Variants in FGGY observed in about 807,000 individuals in gnomAD.
FGGY encodes FGGY carbohydrate kinase domain-containing protein.
In FGGY, 72 loss-of-function variants were observed where a neutral mutation model predicts 71.3. That is an observed-to-expected ratio of 1.01 (90% CI 0.84 to 1.23). FGGY has a LOEUF of 1.23. Among genes scored for constraint, FGGY ranks in the 50% most tolerant of loss-of-function variants. The pLI is 0.00. For synonymous variants in FGGY, 251 were observed against 250.3 expected, an observed-to-expected ratio of 1.00 and a Z score of -0.02; for missense variants, 668 against 682.3, an observed-to-expected ratio of 0.98 and a Z score of 0.23.
chr1:59,406,498 T>A (rs835412), intron 5 of FGGY, among the ~76,000 whole-genome samples: 5,530 of 152,242 alleles, frequency 0.036, 302 homozygotes, highest in African/African-American at 0.12. Context: ...TAACGTGTGT[T>A]TGATAAGCTT....
intron 7 of FGGY, among the ~76,000 whole-genome samples, chr1:59,537,853 G>A (rs1407546760): frequency 6.6e-6 from 1 of 152,056 alleles, no homozygotes; most frequent in Non-Finnish European, 1.5e-5. Context: ...AATTCAAGAT[G>A]GATTAAAGAC....
At chr1:59,491,693 CT>C (rs5774472) in intron 6 of FGGY, among the ~76,000 whole-genome samples, 64,853 of 145,448 alleles carry the variant, frequency 0.45, 14,187 homozygotes, top group Middle Eastern at 0.52. Context: ...TTTAGCTGTT[CT>C]TTTTTTTTTT....
At chr1:59,618,515 T>C (rs1183694802) in intron 9 of FGGY, among the ~76,000 whole-genome samples, 2 of 152,136 alleles carry the variant, frequency 1.3e-5, no homozygotes, top group Non-Finnish European at 2.9e-5. Context: ...TCAGTTCTCT[T>C]GTAGACTTCT....
chr1:59,754,329 A>G (rs761948824), intron 14 of FGGY, among the ~76,000 whole-genome samples: 1 of 151,986 alleles, frequency 6.6e-6, no homozygotes, highest in African/African-American at 2.4e-5. Flanking sequence ...ACACCTGTCT[A>G]TTCTCATAGA....
intron 9 of FGGY, among the ~76,000 whole-genome samples, chr1:59,620,983 C>G (rs1252308377): frequency 6.6e-6 from 1 of 152,066 alleles, no homozygotes; most frequent in Non-Finnish European, 1.5e-5. Context: ...TATTTCCTTA[C>G]AATTTTGGAG....
chr1:59,555,084 T>C (rs2095663992), intron 8 of FGGY, among the ~76,000 whole-genome samples: 1 of 152,180 alleles, frequency 6.6e-6, no homozygotes, highest in Non-Finnish European at 1.5e-5. Context: ...CCATCAGATA[T>C]TCTAGTTCAG....
intron 9 of FGGY, among the ~76,000 whole-genome samples, chr1:59,611,651 A>C (rs1293821684): frequency 6.6e-6 from 1 of 152,384 alleles, no homozygotes; most frequent in East Asian, 1.9e-4. Flanking sequence ...TGGACGGAGT[A>C]TGACTTTGAC....
intron 4 of FGGY, among the ~76,000 whole-genome samples, chr1:59,352,823 T>G (rs902642337): frequency 6.6e-6 from 1 of 152,230 alleles, no homozygotes; most frequent in Non-Finnish European, 1.5e-5. Flanking sequence ...GATGACATAA[T>G]AACACCTTTT....
chr1:59,728,333 C>A (rs537108957), intron 14 of FGGY, among the ~76,000 whole-genome samples: 1 of 152,026 alleles, frequency 6.6e-6, no homozygotes, highest in South Asian at 2.1e-4. Flanking sequence ...TTCCTCCTTC[C>A]TATCCATTAT....
intron 14 of FGGY, among the ~76,000 whole-genome samples, chr1:59,723,577 T>G (rs2100708333): frequency 4.9e-5 from 7 of 143,634 alleles, no homozygotes; most frequent in South Asian, 2.4e-4. Context: ...GGGGGGTGGT[T>G]GGGGGTTTTT....
At chr1:59,321,842 CT>C in intron 2 of FGGY, 92 bp downstream of exon 2, 1 of 1,335,458 alleles carries the variant, frequency 7.5e-7, no homozygotes, top group Non-Finnish European at 1.0e-6. Context: ...GTTGGGGTAA[CT>C]TTAGATGCAG....
chr1:59,540,172 A>G (rs1025904809), intron 7 of FGGY, among the ~76,000 whole-genome samples: 4 of 152,232 alleles, frequency 2.6e-5, no homozygotes, highest in Non-Finnish European at 5.9e-5. Context: ...ATGTGGAAAT[A>G]TGACCACACT....
At chr1:59,682,518 C>T (rs557134032) in intron 14 of FGGY, among the ~76,000 whole-genome samples, 78 of 152,170 alleles carry the variant, frequency 5.1e-4, no homozygotes, top group Non-Finnish European at 1.0e-3. Flanking sequence ...ACAGCTGGGC[C>T]TGTAGAGGCG....
intron 14 of FGGY, among the ~76,000 whole-genome samples, chr1:59,697,347 T>G (rs2097669745): frequency 6.6e-6 from 1 of 152,178 alleles, no homozygotes; most frequent in African/African-American, 2.4e-5. Context: ...ACAATAACTC[T>G]GCATTGCCCC....
chr1:59,435,520 A>G (rs1042992809), intron 5 of FGGY, among the ~76,000 whole-genome samples: 3 of 151,866 alleles, frequency 2.0e-5, no homozygotes, highest in Non-Finnish European at 2.9e-5. Context: ...CTCATGCTCT[A>G]TGCTCCACTT....
intron 5 of FGGY, among the ~76,000 whole-genome samples, chr1:59,455,695 C>T (rs1209605488): frequency 2.0e-5 from 3 of 152,220 alleles, no homozygotes; most frequent in Non-Finnish European, 4.4e-5. Context: ...GAAGCAGTTA[C>T]TTACCCAGCA....
At chr1:59,554,533 T>C (rs1055809195) in intron 8 of FGGY, among the ~76,000 whole-genome samples, 2 of 152,032 alleles carry the variant, frequency 1.3e-5, no homozygotes, top group African/African-American at 4.8e-5. Flanking sequence ...AAAGTCTAGC[T>C]CCCCCAGACT....
intron 4 of FGGY, among the ~76,000 whole-genome samples, chr1:59,358,080 G>A (rs2054684860): frequency 6.6e-6 from 1 of 152,216 alleles, no homozygotes; most frequent in South Asian, 2.1e-4. Context: ...AAAGGACAAT[G>A]CATTTAATGT....
chr1:59,688,676 C>T (rs940865014), intron 14 of FGGY, among the ~76,000 whole-genome samples: 7 of 152,258 alleles, frequency 4.6e-5, no homozygotes, highest in Admixed American at 4.6e-4. Flanking sequence ...TTTCTCTCCC[C>T]AAGCATATGC....
Sources: allele counts gnomAD v4.1 joint callset (sites outside exome capture counted in the v4.1 genomes callset), GRCh38; gene constraint gnomAD v4.1.1; transcripts MANE v1.5; gene names NCBI Gene and HGNC (gene_info 2026-07-23, HGNC 2026-07-21).